FNDC3B: variants seen among roughly 807,000 people sequenced by gnomAD.
FNDC3B encodes fibronectin type III domain-containing protein 3B.
A neutral mutation model predicts 151.5 loss-of-function variants in FNDC3B; 12 were observed. That is an observed-to-expected ratio of 0.08 (90% CI 0.05 to 0.13). The LOEUF is 0.13. Among genes scored for constraint, FNDC3B ranks in the 10% least tolerant of loss-of-function variants. FNDC3B has a pLI of 1.00. For synonymous variants in FNDC3B, 528 were observed against 549.0 expected, an observed-to-expected ratio of 0.96 and a Z score of 0.54; for missense variants, 1,214 against 1,505.3, an observed-to-expected ratio of 0.81 and a Z score of 3.20.
At chr3:172,159,432 A>G (rs571552748) in intron 3 of FNDC3B, among the ~76,000 whole-genome samples, 85 of 152,284 alleles carry the variant, frequency 5.6e-4, no homozygotes, top group African/African-American at 1.9e-3. Context: ...ATTGCATCCT[A>G]TTCACTCTAA....
intron 11 of FNDC3B, among the ~76,000 whole-genome samples, chr3:172,312,323 G>C (rs1388754755): frequency 6.6e-6 from 1 of 152,178 alleles, no homozygotes; most frequent in Non-Finnish European, 1.5e-5. Context: ...TAAAATCTCA[G>C]CCTTAACCCG....
intron 3 of FNDC3B, among the ~76,000 whole-genome samples, chr3:172,194,007 T>A (rs917627350): frequency 6.6e-6 from 1 of 151,816 alleles, no homozygotes; most frequent in Non-Finnish European, 1.5e-5. Context: ...GATCACAAGG[T>A]CAGGAGATTG....
intron 3 of FNDC3B, among the ~76,000 whole-genome samples, chr3:172,204,660 A>G (rs1296187383): frequency 6.6e-6 from 1 of 152,234 alleles, no homozygotes; most frequent in Non-Finnish European, 1.5e-5. Context: ...ATTGTATATG[A>G]AAGGGTGAAA....
Position 172,397,539 on chromosome 3 carries a change from C to A in FNDC3B, c.*64C>A. ...TTTAATACACACATTTATTCAGATA[C>A]TCCCCTTTTTAAAGCCCTTTTGTTT... On this transcript the variant is annotated 3_prime_UTR_variant, in exon 26 of 26. Coordinates refer to ENST00000415807, the MANE Select transcript of FNDC3B (RefSeq NM_022763.4). 9.4e-7 allele frequency: 1 copy of A among 1,063,610 alleles called. No homozygotes were observed. The highest frequency in any genetic ancestry group is 1.3e-6 in the Non-Finnish European group (1 of 747,750). The allele number at this position is 1,063,610 out of a possible 1,614,324, so 65.9% of individuals were successfully genotyped here. A position where few individuals can be genotyped will look rare whatever the true frequency, so the allele number is the denominator to read the frequency against.
chr3:172,164,661 T>C (rs990383295), intron 3 of FNDC3B, among the ~76,000 whole-genome samples: 1 of 152,240 alleles, frequency 6.6e-6, no homozygotes, highest in African/African-American at 2.4e-5. Context: ...AGATTAAGAA[T>C]TGACCGAATA....
intron 2 of FNDC3B, among the ~76,000 whole-genome samples, chr3:172,126,709 T>C (rs1326548964): frequency 6.6e-6 from 1 of 152,198 alleles, no homozygotes; most frequent in Admixed American, 6.5e-5. Flanking sequence ...ATTCTTCCTG[T>C]GTGCTTTGAG....
chr3:172,220,162 A>G (rs533642595), intron 3 of FNDC3B, among the ~76,000 whole-genome samples: 3 of 71,474 alleles, frequency 4.2e-5, no homozygotes, highest in Admixed American at 1.2e-4. Context: ...AACACTTGTT[A>G]TTTTCTGTGT....
intron 3 of FNDC3B, among the ~76,000 whole-genome samples, chr3:172,154,239 CAG>C (rs1044286697): frequency 2.0e-5 from 3 of 151,866 alleles, no homozygotes; most frequent in Non-Finnish European, 4.4e-5. Context: ...TTTTTTGAGA[CAG>C]AGTCTTGCTC....
intron 11 of FNDC3B, among the ~76,000 whole-genome samples, chr3:172,316,000 C>CT (rs555242809): frequency 0.089 from 7,107 of 79,790 alleles, 465 homozygotes; most frequent in South Asian, 0.16. Flanking sequence ...CTTTCTTCTT[C>CT]TTTTTTTTTT....
intron 3 of FNDC3B, among the ~76,000 whole-genome samples, chr3:172,217,030 C>T (rs776895920): frequency 5.3e-5 from 8 of 152,146 alleles, no homozygotes; most frequent in African/African-American, 9.7e-5. Context: ...TGGGTCTCCC[C>T]GTCCCCCACA....
In FNDC3B at chr3:172,323,789, G is replaced by A. The variant is rs148246235; in HGVS notation, c.1255-5163G>A. Among the ~76,000 whole-genome samples the A allele has an allele frequency of 1.1e-4, 16 of 152,202 alleles. No homozygotes were observed. In the East Asian group the frequency reaches 2.9e-3, roughly 28 times the overall value. Reference sequence around the variant, plus strand: ...CTTCAGAATTTAGCAGGACCCTGTAGGAACAAGAACAATATCTAGACTCCC... The same window carrying A: ...CTTCAGAATTTAGCAGGACCCTGTAAGAACAAGAACAATATCTAGACTCCC... On this transcript the variant is annotated intron_variant, in intron 11 of 25. Transcript: ENST00000415807.
At chr3:172,188,837 A>G (rs182591029) in intron 3 of FNDC3B, among the ~76,000 whole-genome samples, 6 of 152,270 alleles carry the variant, frequency 3.9e-5, no homozygotes, top group Admixed American at 1.3e-4. Flanking sequence ...TGAAACTCTC[A>G]ATCAGACCCC....
chr3:172,217,738 G>A (rs1378028923), intron 3 of FNDC3B, among the ~76,000 whole-genome samples: 1 of 152,006 alleles, frequency 6.6e-6, no homozygotes, highest in Non-Finnish European at 1.5e-5. Context: ...GAGGAAAATT[G>A]GGATTTAAGA....
chr3:172,394,106 T>TAAAAAAAAAAAAAAAAAAAA (rs60559371), intron 25 of FNDC3B, among the ~76,000 whole-genome samples: 2 of 16,648 alleles, frequency 1.2e-4, no homozygotes, highest in Admixed American at 1.0e-3. Flanking sequence ...AGACTCCTTC[T>TAAAAAAAAAAAAAAAAAAAA]AAAAAAAAAA....
chr3:172,194,523 G>A (rs1456734513), intron 3 of FNDC3B, among the ~76,000 whole-genome samples: 1 of 152,142 alleles, frequency 6.6e-6, no homozygotes, highest in Admixed American at 6.5e-5. Context: ...CTATAAAGTT[G>A]CATCTTTTCA....
chr3:172,047,442 A>C (rs914790774), intron 1 of FNDC3B, among the ~76,000 whole-genome samples: 2 of 152,242 alleles, frequency 1.3e-5, no homozygotes, highest in Non-Finnish European at 2.9e-5. Flanking sequence ...GTAAATATCA[A>C]GTTTAAATAG....
Position 172,343,035 on chromosome 3 carries a change from A to G in FNDC3B, c.1996A>G (p.Thr666Ala), listed in dbSNP as rs759424206. The G allele has an allele frequency of 1.9e-5, 31 of 1,612,576 alleles. No homozygotes were observed. Among genetic ancestry groups the G allele is most frequent in the Non-Finnish European group, 2.6e-5 (31 of 1,178,748 alleles). The change falls in exon 18 of 26, where the codon ACA becomes GCA. Residue 666 changes from threonine (T) to alanine (A), a missense_variant. By Grantham distance (58) the Thr-to-Ala change is moderately conservative. This residue lies in a region of FNDC3B where 380 missense variants were observed against 420.9 expected (regional missense o/e 0.90). Coordinates refer to ENST00000415807, the MANE Select transcript of FNDC3B (RefSeq NM_022763.4). ...GTGTTCTGAAAGTCTCCCTGTTCGC[A>G]CACTAAGCATTGCACCAGGTCAATG... ...SQCSESLPVR[T>A]LSIAPGQCRP... is the part of the protein sequence containing the mutation.
rs370339565 is a variant in FNDC3B at position 172,040,958 on chromosome 3, G to A, written c.-29+1187G>A. ...CGGAGTTGGAGCTTTTGGAATCTCAGCTCCCACCCTGCCATCCCAGACGAA... is the reference window on the plus strand; with the variant it reads ...CGGAGTTGGAGCTTTTGGAATCTCAACTCCCACCCTGCCATCCCAGACGAA... On this transcript the variant is annotated intron_variant, in intron 1 of 25. Coordinates refer to ENST00000415807, the MANE Select transcript of FNDC3B (RefSeq NM_022763.4). The surrounding 1 kb of genome is among the most constrained non-coding windows in gnomAD (Gnocchi z 6.6). 6.6e-6 allele frequency among the ~76,000 whole-genome samples: 1 copy of A among 152,318 alleles called. No individual in the cohort carries two copies. Among genetic ancestry groups the A allele is most frequent in the African/African-American group, 2.4e-5 (1 of 41,584 alleles).
intron 1 of FNDC3B, among the ~76,000 whole-genome samples, chr3:172,100,120 CAAAGCT>C (rs1380719923): frequency 2.0e-5 from 3 of 152,064 alleles, no homozygotes; most frequent in African/African-American, 7.2e-5. Flanking sequence ...CCTTTTATAC[CAAAGCT>C]GAAATTTAAA....
Sources: allele counts gnomAD v4.1 joint callset (sites outside exome capture counted in the v4.1 genomes callset), GRCh38; gene constraint gnomAD v4.1.1; regional missense constraint gnomAD v4.1.1; non-coding constraint Gnocchi (gnomAD v3.1); transcripts MANE v1.5; gene names NCBI Gene and HGNC (gene_info 2026-07-23, HGNC 2026-07-21).